SGCZ: variants seen among roughly 807,000 people sequenced by gnomAD.
The protein encoded by SGCZ is sarcoglycan zeta, also known as zeta-sarcoglycan.
Under a neutral mutation model 41.3 loss-of-function variants are expected in SGCZ, and 40 were observed. The ratio of observed to expected loss-of-function variants is 0.97; its 90% confidence interval spans 0.75 to 1.26. SGCZ has a LOEUF of 1.26. SGCZ is among the 50% of genes most tolerant of loss of function. The pLI is 0.00. For synonymous variants in SGCZ, 206 were observed against 137.5 expected (o/e 1.50, Z -3.49); for missense variants, 552 against 369.8 (o/e 1.49, Z -4.04).
At chr8:14,124,159 C>T (rs774602768) in intron 5 of SGCZ, among the ~76,000 whole-genome samples, 2 of 152,110 alleles carry the variant, frequency 1.3e-5, no homozygotes, top group African/African-American at 2.4e-5. Flanking sequence ...GTTTTGTAAG[C>T]TGCTAAATTT....
At chr8:14,490,734 T>A (rs1025373326) in intron 2 of SGCZ, among the ~76,000 whole-genome samples, 1 of 152,176 alleles carries the variant, frequency 6.6e-6, no homozygotes, top group East Asian at 1.9e-4. Context: ...AATGCAAACA[T>A]ACCACTAAAA....
At chr8:14,414,416 C>T (rs919478646) in intron 2 of SGCZ, among the ~76,000 whole-genome samples, 53 of 151,858 alleles carry the variant, frequency 3.5e-4, no homozygotes, top group African/African-American at 1.2e-3. Context: ...ATTCCTAGGT[C>T]CCCACCCTCA....
chr8:15,036,800 T>A (rs574021731), intron 1 of SGCZ, among the ~76,000 whole-genome samples: 7 of 151,974 alleles, frequency 4.6e-5, no homozygotes, highest in Non-Finnish European at 8.8e-5. Flanking sequence ...AAAAAAAAAT[T>A]ATGGGCCAAT....
At chr8:15,097,725 T>TA (rs764026112) in intron 1 of SGCZ, among the ~76,000 whole-genome samples, 13,358 of 114,832 alleles carry the variant, frequency 0.12, 852 homozygotes, top group Middle Eastern at 0.22. Flanking sequence ...TGAGAGCTTA[T>TA]AAAAAAAAAA....
At chr8:14,640,627 T>C (rs1247668394) in intron 1 of SGCZ, among the ~76,000 whole-genome samples, 1 of 147,708 alleles carries the variant, frequency 6.8e-6, no homozygotes, top group Admixed American at 6.8e-5. Context: ...TACACACATA[T>C]ATGTGCAAAC....
chr8:14,374,850 T>A (rs1048059786), intron 2 of SGCZ, among the ~76,000 whole-genome samples: 3 of 152,146 alleles, frequency 2.0e-5, no homozygotes, highest in Non-Finnish European at 4.4e-5. Context: ...GCTGAAAATA[T>A]AACTAAAGGG....
intron 1 of SGCZ, among the ~76,000 whole-genome samples, chr8:14,668,112 C>T (rs796134185): frequency 1.2e-4 from 19 of 152,150 alleles, no homozygotes; most frequent in African/African-American, 4.6e-4. Context: ...ACCCCCGCCA[C>T]CACACCCAGC....
At chr8:14,809,154 A>G (rs137897767) in intron 1 of SGCZ, among the ~76,000 whole-genome samples, 2,309 of 152,184 alleles carry the variant, frequency 0.015, 129 homozygotes, top group East Asian at 0.13. Context: ...TGGGTGTAGC[A>G]CACCAGCGTG....
intron 1 of SGCZ, among the ~76,000 whole-genome samples, chr8:14,627,944 C>G (rs1408307551): frequency 6.6e-6 from 1 of 152,066 alleles, no homozygotes; most frequent in Non-Finnish European, 1.5e-5. Context: ...TTTTAAGCTT[C>G]AGCTACATGT....
chr8:14,458,014 A>G (rs1201447769), intron 2 of SGCZ, among the ~76,000 whole-genome samples: 1 of 152,104 alleles, frequency 6.6e-6, no homozygotes, highest in Non-Finnish European at 1.5e-5. Context: ...TGGTTCCTAC[A>G]GGGGCCTGTA....
intron 1 of SGCZ, among the ~76,000 whole-genome samples, chr8:14,618,488 T>C (rs1389482958): frequency 1.3e-5 from 2 of 152,064 alleles, no homozygotes; most frequent in South Asian, 2.1e-4. Context: ...GCAGCAAAGA[T>C]GACCAGATTG....
intron 2 of SGCZ, among the ~76,000 whole-genome samples, chr8:14,347,774 G>C (rs565704016): frequency 1.1e-4 from 16 of 152,066 alleles, no homozygotes; most frequent in Admixed American, 1.0e-3. Flanking sequence ...ACATCAATGA[G>C]ATTTCTATTT....
chr8:15,156,848 G>C (rs1326648784), intron 1 of SGCZ, among the ~76,000 whole-genome samples: 2 of 151,720 alleles, frequency 1.3e-5, no homozygotes, highest in South Asian at 2.1e-4. Context: ...AGGAGGCTGA[G>C]GCAGGAGATT....
At chr8:14,143,552 G>A (rs953416022) in intron 5 of SGCZ, among the ~76,000 whole-genome samples, 1 of 152,048 alleles carries the variant, frequency 6.6e-6, no homozygotes, top group South Asian at 2.1e-4. Flanking sequence ...ACAAAATTCT[G>A]AAACACCATA....
chr8:14,308,457 G>A (rs937498877), intron 3 of SGCZ, among the ~76,000 whole-genome samples: 1 of 151,964 alleles, frequency 6.6e-6, no homozygotes, highest in Non-Finnish European at 1.5e-5. Context: ...CAGAATGACC[G>A]AGAGATATTG....
At chr8:14,961,359 C>T (rs975967608) in intron 1 of SGCZ, among the ~76,000 whole-genome samples, 2 of 151,922 alleles carry the variant, frequency 1.3e-5, no homozygotes, top group Non-Finnish European at 2.9e-5. Context: ...TAAATGCAAG[C>T]GATAAAAGTT....
intron 1 of SGCZ, among the ~76,000 whole-genome samples, chr8:14,980,016 G>C (rs188886355): frequency 6.6e-6 from 1 of 152,200 alleles, no homozygotes; most frequent in Non-Finnish European, 1.5e-5. Context: ...GACAAACTTA[G>C]GAAATAGGGA....
At chr8:14,144,152 C>A (rs557473435) in intron 5 of SGCZ, among the ~76,000 whole-genome samples, 17 of 152,094 alleles carry the variant, frequency 1.1e-4, no homozygotes, top group Non-Finnish European at 1.9e-4. Flanking sequence ...AGACAACAGC[C>A]GGGACAGCCA....
chr8:14,228,947 T>C (rs1460409430), intron 4 of SGCZ, among the ~76,000 whole-genome samples: 1 of 152,094 alleles, frequency 6.6e-6, no homozygotes, highest in Non-Finnish European at 1.5e-5. Flanking sequence ...GCAAGAATGG[T>C]CTTTAGGACC....
Sources: allele counts gnomAD v4.1 joint callset (sites outside exome capture counted in the v4.1 genomes callset), GRCh38; gene constraint gnomAD v4.1.1; transcripts MANE v1.5; gene names NCBI Gene and HGNC (gene_info 2026-07-23, HGNC 2026-07-21).